The following SPATS2L variants were observed in gnomAD, a reference collection of about 807,000 sequenced individuals.
SPATS2L encodes the protein spermatogenesis associated serine rich 2 like.
Under a neutral mutation model 59.6 loss-of-function variants are expected in SPATS2L, and 30 were observed. The ratio of observed to expected loss-of-function variants is 0.50; its 90% CI spans 0.38 to 0.68. SPATS2L has a LOEUF of 0.68. SPATS2L is among the 30% of genes least tolerant of loss of function. SPATS2L has a pLI of 0.00. For missense variants in SPATS2L, 615 were observed against 700.0 expected, an observed-to-expected ratio of 0.88 and a Z score of 1.37; for synonymous variants, 252 against 263.5, an observed-to-expected ratio of 0.96 and a Z score of 0.42.
chr2:200,470,152 C>T (rs565790482), intron 11 of SPATS2L, 136 bp downstream of exon 11: 3 of 645,132 alleles, frequency 4.7e-6, no homozygotes, highest in Admixed American at 3.1e-5. Flanking sequence ...GATCTAAGCT[C>T]ATGACACAAG....
chr2:200,319,158 C>T (rs1041822451), intron 1 of SPATS2L, among the ~76,000 whole-genome samples: 5 of 152,224 alleles, frequency 3.3e-5, no homozygotes, highest in Admixed American at 2.0e-4. Flanking sequence ...TATTGTATCT[C>T]CTCCTCGAAG....
intron 3 of SPATS2L, among the ~76,000 whole-genome samples, chr2:200,407,950 C>T (rs765607203): frequency 2.6e-5 from 4 of 152,174 alleles, no homozygotes; most frequent in Admixed American, 1.3e-4. Flanking sequence ...CCGTATTAGT[C>T]GCTTGTGAAT....
chr2:200,335,086 C>T (rs1327962647), intron 2 of SPATS2L, among the ~76,000 whole-genome samples: 1 of 152,092 alleles, frequency 6.6e-6, no homozygotes, highest in Admixed American at 6.6e-5. Flanking sequence ...GGCATTGAAT[C>T]TATAAATTAC....
chr2:200,397,488 A>G (rs2082392824), intron 3 of SPATS2L, among the ~76,000 whole-genome samples: 1 of 152,202 alleles, frequency 6.6e-6, no homozygotes, highest in Non-Finnish European at 1.5e-5. Context: ...GTAGACAGAC[A>G]AACAGATAGA....
intron 1 of SPATS2L, among the ~76,000 whole-genome samples, chr2:200,329,176 T>C (rs2079852868): frequency 6.6e-6 from 1 of 152,228 alleles, no homozygotes; most frequent in Admixed American, 6.5e-5. Flanking sequence ...GCATTACATA[T>C]GTTATATATC....
chr2:200,351,703 T>C (rs535261105), intron 2 of SPATS2L, among the ~76,000 whole-genome samples: 58 of 142,748 alleles, frequency 4.1e-4, no homozygotes, highest in African/African-American at 1.3e-3. Context: ...CGAGGAGTTA[T>C]AGATTGAGAT....
At position 200,469,519 on chromosome 2, in the gene SPATS2L, G is replaced by C. The variant is rs192593380; in HGVS notation, c.958-395G>C. On this transcript the variant is annotated intron_variant, in intron 10 of 12. Transcript: ENST00000409140. ...CCGGTTCCCTGTTAAAATAGGAATG[G>C]GGGTCTAGGAAGGACGACATGTTTT... Among the ~76,000 whole-genome samples the C allele has an allele frequency of 4.6e-5, 7 of 152,228 alleles. No homozygotes were observed. In the East Asian group the frequency reaches 1.3e-3, roughly 29 times the overall value.
In SPATS2L at chr2:200,351,123, A is replaced by G. The variant is rs140664217; in HGVS notation, c.-23+21643A>G. The G allele has an allele frequency of 5.4e-5, 22 of 406,980 alleles. No individual in the cohort carries two copies. The East Asian group carries it at 8.7e-4, about 16-fold the overall frequency. 25.2% of individuals were successfully genotyped at this position (406,980 alleles called of 1,614,324 possible). A position where few individuals can be genotyped will look rare whatever the true frequency, so the allele number is the denominator to read the frequency against. ...TTTATGCAAGTGTTTTGAAAATGAA[A>G]TGCACCACTATGAAATCAATGGGTG... is the stretch of plus-strand genomic sequence containing the variant. On this transcript the variant is annotated intron_variant, in intron 2 of 12. Coordinates refer to ENST00000409140, the MANE Select transcript of SPATS2L (RefSeq NM_001100423.2).
intron 2 of SPATS2L, among the ~76,000 whole-genome samples, chr2:200,368,326 T>C (rs1419917236): frequency 6.6e-6 from 1 of 152,216 alleles, no homozygotes; most frequent in African/African-American, 2.4e-5. Flanking sequence ...ATTGGTATAA[T>C]TTAGTTCTGC....
intron 3 of SPATS2L, among the ~76,000 whole-genome samples, chr2:200,397,495 T>G (rs1422225397): frequency 6.6e-6 from 1 of 152,182 alleles, no homozygotes; most frequent in Non-Finnish European, 1.5e-5. Context: ...GACAAACAGA[T>G]AGATGCATAA....
At chr2:200,448,042 G>A (rs1032528854) in intron 8 of SPATS2L, among the ~76,000 whole-genome samples, 5 of 152,110 alleles carry the variant, frequency 3.3e-5, no homozygotes, top group African/African-American at 4.8e-5. Flanking sequence ...CTACTCAGGA[G>A]GCTGAGGTGG....
At chr2:200,373,042 T>C (rs1292735398) in intron 2 of SPATS2L, 4 of 152,224 alleles carry the variant, frequency 2.6e-5, no homozygotes, top group African/African-American at 9.6e-5. Flanking sequence ...ATGGCAGAGC[T>C]GTCAGACACA....
At chr2:200,395,196 C>T (rs1265237418) in intron 3 of SPATS2L, among the ~76,000 whole-genome samples, 1 of 152,026 alleles carries the variant, frequency 6.6e-6, no homozygotes, top group Non-Finnish European at 1.5e-5. Context: ...ATAATTTTAA[C>T]TGAATAAGAA....
chr2:200,376,579 T>A (rs2081607132), intron 2 of SPATS2L, among the ~76,000 whole-genome samples: 2 of 152,232 alleles, frequency 1.3e-5, no homozygotes, highest in Admixed American at 6.5e-5. Context: ...TGAAGACAAG[T>A]ACCTTAAGCT....
chr2:200,386,328 T>G (rs1008901710), intron 2 of SPATS2L, among the ~76,000 whole-genome samples: 3 of 152,188 alleles, frequency 2.0e-5, no homozygotes, highest in African/African-American at 4.8e-5. Context: ...AGCATTTTTC[T>G]TCCACAAAAA....
At chr2:200,425,552 CA>C (rs2083519241) in intron 6 of SPATS2L, among the ~76,000 whole-genome samples, 1 of 152,094 alleles carries the variant, frequency 6.6e-6, no homozygotes, top group Non-Finnish European at 1.5e-5. Context: ...TCCTCATCTG[CA>C]AAATAAAGAA....
chr2:200,344,932 ATTTG>A (rs2080461992), intron 2 of SPATS2L, among the ~76,000 whole-genome samples: 1 of 151,910 alleles, frequency 6.6e-6, no homozygotes, highest in Non-Finnish European at 1.5e-5. Context: ...GTTCTTGTAA[ATTTG>A]TTTAAGTTCC....
chr2:200,474,942 CT>C (rs1378687514), intron 12 of SPATS2L, among the ~76,000 whole-genome samples: 3 of 152,188 alleles, frequency 2.0e-5, no homozygotes, highest in Admixed American at 2.0e-4. Context: ...AATCTACACT[CT>C]TTGTTCTGAA....
At chr2:200,464,782 GAATT>G (rs1482651698) in intron 9 of SPATS2L, among the ~76,000 whole-genome samples, 2 of 151,814 alleles carry the variant, frequency 1.3e-5, no homozygotes, top group African/African-American at 4.8e-5. Context: ...CCTGGCAACA[GAATT>G]AATTTTTTTA....
Sources: gnomAD v4.1 joint callset for allele counts (sites outside exome capture counted in the v4.1 genomes callset) on GRCh38, gnomAD v4.1.1 for gene constraint, MANE v1.5 for transcripts, NCBI Gene and HGNC (gene_info 2026-07-23, HGNC 2026-07-21) for gene names.